NBAS: variants seen among roughly 807,000 people sequenced by gnomAD.
The protein encoded by NBAS is NBAS subunit of NRZ tethering complex.
In NBAS, 219 loss-of-function variants were observed where a neutral mutation model predicts 302.5. That is an observed-to-expected ratio of 0.72 (90% CI 0.65 to 0.81). The LOEUF (loss-of-function observed/expected upper bound fraction) is 0.81. Among genes scored for constraint, NBAS ranks in the 30% least tolerant of loss-of-function variants. The pLI, the probability that NBAS is intolerant of heterozygous loss-of-function variation, is 0.00. For synonymous variants in NBAS, 1,118 were observed against 1,021.6 expected (o/e 1.09, Z -1.80); for missense variants, 2,932 against 2,841.6 (o/e 1.03, Z -0.72).
the NBAS span, among the ~76,000 whole-genome samples, chr2:14,909,386 A>C: frequency 7.6e-6 from 1 of 131,312 alleles, no homozygotes; most frequent in East Asian, 2.3e-4. Context: ...AAAAAAAAAA[A>C]AAAGATTTCC....
At chr2:15,103,589 C>T in the NBAS span, among the ~76,000 whole-genome samples, 1 of 152,128 alleles carries the variant, frequency 6.6e-6, no homozygotes, top group Non-Finnish European at 1.5e-5. Context: ...GTCTTATGTT[C>T]CTCTGTATCA....
At chr2:15,166,362 T>C (rs552295072), downstream of NBAS, among the ~76,000 whole-genome samples, 1 of 152,286 alleles carries the variant, frequency 6.6e-6, no homozygotes, top group African/African-American at 2.4e-5. Context: ...CTGATAAATT[T>C]TGAAGCCCTC....
chr2:14,826,353 TA>T, the NBAS span, among the ~76,000 whole-genome samples: 1 of 152,254 alleles, frequency 6.6e-6, no homozygotes, highest in East Asian at 1.9e-4. Context: ...CATTGACTTT[TA>T]TAACAAAATA....
At chr2:14,968,806 G>A in the NBAS span, among the ~76,000 whole-genome samples, 1 of 152,170 alleles carries the variant, frequency 6.6e-6, no homozygotes, top group African/African-American at 2.4e-5. Flanking sequence ...TTACTTACAT[G>A]TAGAGTTTTA....
At chr2:15,366,127 T>G (rs1475750296) in intron 32 of NBAS, among the ~76,000 whole-genome samples, 1 of 152,164 alleles carries the variant, frequency 6.6e-6, no homozygotes, top group Non-Finnish European at 1.5e-5. Flanking sequence ...TGCATAAAGT[T>G]TTCTAACAAA....
At chr2:15,537,060 G>C (rs1663554112) in intron 7 of NBAS, among the ~76,000 whole-genome samples, 1 of 152,200 alleles carries the variant, frequency 6.6e-6, no homozygotes, top group African/African-American at 2.4e-5. Context: ...AACTGCTAAA[G>C]ATTTGAAGGC....
the NBAS span, among the ~76,000 whole-genome samples, chr2:15,041,749 G>A: frequency 1.3e-5 from 2 of 152,242 alleles, no homozygotes; most frequent in South Asian, 4.1e-4. Flanking sequence ...TCCAGTGCTT[G>A]TTTCCATAGC....
chr2:14,893,359 T>C, the NBAS span, among the ~76,000 whole-genome samples: 1 of 152,206 alleles, frequency 6.6e-6, no homozygotes, highest in East Asian at 1.9e-4. Context: ...ATTATTTGTT[T>C]CAACTTCTAT....
At chr2:14,894,795 A>C in the NBAS span, among the ~76,000 whole-genome samples, 1 of 152,202 alleles carries the variant, frequency 6.6e-6, no homozygotes, top group South Asian at 2.1e-4. Flanking sequence ...ACGGTGGCTC[A>C]TGCCTGTAAT....
the NBAS span, among the ~76,000 whole-genome samples, chr2:14,943,698 G>A: frequency 6.6e-6 from 1 of 152,178 alleles, no homozygotes; most frequent in Non-Finnish European, 1.5e-5. Context: ...GCTCACAAAT[G>A]TTGGAGTCAG....
At chr2:15,081,353 G>A in the NBAS span, among the ~76,000 whole-genome samples, 1 of 152,124 alleles carries the variant, frequency 6.6e-6, no homozygotes, top group Non-Finnish European at 1.5e-5. Context: ...GTGCTCAGGA[G>A]AAACTAAACT....
chr2:14,848,780 A>G, the NBAS span, among the ~76,000 whole-genome samples: 1 of 151,932 alleles, frequency 6.6e-6, no homozygotes, highest in Admixed American at 6.5e-5. Flanking sequence ...CTGACCCCTG[A>G]GCAGCCTAAC....
intron 44 of NBAS, among the ~76,000 whole-genome samples, chr2:15,242,280 T>C (rs1401244716): frequency 6.6e-6 from 1 of 152,226 alleles, no homozygotes; most frequent in Non-Finnish European, 1.5e-5. Context: ...TTTAAAATAA[T>C]CCTTCAAGAG....
intron 44 of NBAS, among the ~76,000 whole-genome samples, chr2:15,260,072 CAT>C (rs1668780295): frequency 2.0e-5 from 3 of 152,262 alleles, no homozygotes; most frequent in South Asian, 4.1e-4. Context: ...TATCAAATCA[CAT>C]ATGTTGTATA....
At chr2:15,089,955 G>A in the NBAS span, among the ~76,000 whole-genome samples, 190 of 152,040 alleles carry the variant, frequency 1.2e-3, no homozygotes, top group African/African-American at 4.3e-3. Flanking sequence ...TCACCATGTT[G>A]GCCAGGCTGG....
At chr2:14,785,152 T>C in the NBAS span, among the ~76,000 whole-genome samples, 1 of 152,200 alleles carries the variant, frequency 6.6e-6, no homozygotes, top group African/African-American at 2.4e-5. Context: ...ATGCTTGTGA[T>C]TTTTGTACAT....
At chr2:15,470,514 A>C (rs1321465735) in intron 16 of NBAS, among the ~76,000 whole-genome samples, 13 of 152,238 alleles carry the variant, frequency 8.5e-5, no homozygotes, top group Admixed American at 5.2e-4. Flanking sequence ...ATGGAAATAT[A>C]GCAGTGAATA....
the NBAS span, among the ~76,000 whole-genome samples, chr2:15,073,500 A>G: frequency 1.4e-5 from 2 of 142,044 alleles, no homozygotes; most frequent in East Asian, 2.1e-4. Context: ...AATAAAAAAT[A>G]AAACAATACC....
chr2:15,139,098 G>C, the NBAS span, among the ~76,000 whole-genome samples: 1 of 152,160 alleles, frequency 6.6e-6, no homozygotes, highest in Admixed American at 6.5e-5. Flanking sequence ...GTGGAGCTGC[G>C]AGATAATAAA....
Sources: gnomAD v4.1 joint callset for allele counts (sites outside exome capture counted in the v4.1 genomes callset) on GRCh38, gnomAD v4.1.1 for gene constraint, MANE v1.5 for transcripts, NCBI Gene and HGNC (gene_info 2026-07-23, HGNC 2026-07-21) for gene names.